Variants in AGBL1 observed in about 807,000 individuals in gnomAD.
The protein encoded by AGBL1 is cytosolic carboxypeptidase 4.
Under a neutral mutation model 118.9 loss-of-function variants are expected in AGBL1, and 130 were observed. That is an observed-to-expected ratio of 1.09 (90% CI 0.95 to 1.26). The LOEUF is 1.26. AGBL1 is among the 50% of genes most tolerant of loss of function. AGBL1 has a pLI of 0.00. For missense variants in AGBL1, 1,584 were observed against 1,298.1 expected (o/e 1.22, Z -3.38); for synonymous variants, 555 against 478.9 (o/e 1.16, Z -2.08).
chr15:86,273,799 T>C (rs151190318), intron 15 of AGBL1, among the ~76,000 whole-genome samples: 98 of 152,322 alleles, frequency 6.4e-4, no homozygotes, highest in African/African-American at 2.2e-3. Flanking sequence ...GTGCTCACTG[T>C]GGGGACAACT....
In AGBL1 at chr15:86,170,800, C is replaced by A. The variant is rs112447166; in HGVS notation, c.488+11774C>A. 3.1e-3 allele frequency among the ~76,000 whole-genome samples: 463 copies of A among 151,064 alleles called. 1 individual carries two copies. The highest frequency in any genetic ancestry group is 0.011 in the African/African-American group (443 of 41,068). On this transcript the variant is annotated intron_variant, in intron 5 of 22. Transcript: ENST00000614907. The stretch of plus-strand genomic sequence containing the variant: ...GATGAATGTTGCAGTGAGCCGAGAT[C>A]ACACCACTGCACTCCAGCCTGGGCG...
At chr15:86,763,524 G>T (rs1170912006) in intron 22 of AGBL1, among the ~76,000 whole-genome samples, 1 of 151,950 alleles carries the variant, frequency 6.6e-6, no homozygotes, top group Admixed American at 6.6e-5. Flanking sequence ...GAATATCTGG[G>T]AGAGCTATAG....
At chr15:86,416,716 T>C (rs12148626) in intron 18 of AGBL1, among the ~76,000 whole-genome samples, 4,776 of 152,294 alleles carry the variant, frequency 0.031, 125 homozygotes, top group African/African-American at 0.069. Flanking sequence ...GAAAAGCAAT[T>C]GTTCTCCTTG....
rs571836376 is a variant in AGBL1, at chr15:86,486,518, T to G, written c.2556-36292T>G. Among the ~76,000 whole-genome samples the G allele has an allele frequency of 3.9e-5, 6 of 152,252 alleles. No homozygotes were observed. In the South Asian group the frequency reaches 1.2e-3, roughly 32 times the overall value. On this transcript the variant is annotated intron_variant, in intron 18 of 22. Coordinates refer to ENST00000614907, the MANE Select transcript of AGBL1 (RefSeq NM_001386094.1). ...GGCTGGACGTTGGGATCTGTCTGATTTGGTTTTAAAACCCAGGCACCTGGG... is the reference window on the plus strand; with the variant it reads ...GGCTGGACGTTGGGATCTGTCTGATGTGGTTTTAAAACCCAGGCACCTGGG...
intron 21 of AGBL1, among the ~76,000 whole-genome samples, chr15:86,562,015 A>G (rs1264301157): frequency 6.6e-5 from 10 of 152,124 alleles, no homozygotes; most frequent in Non-Finnish European, 1.5e-4. Context: ...GTATCCTGAG[A>G]CTTTGCTGAA....
intron 22 of AGBL1, among the ~76,000 whole-genome samples, chr15:86,765,354 G>C (rs2078081536): frequency 6.6e-6 from 1 of 151,950 alleles, no homozygotes; most frequent in South Asian, 2.1e-4. Flanking sequence ...GTTTGTTAAG[G>C]CCCTCACAGT....
At chr15:86,422,034 T>A (rs557679325) in intron 18 of AGBL1, among the ~76,000 whole-genome samples, 1 of 151,664 alleles carries the variant, frequency 6.6e-6, no homozygotes, top group Admixed American at 6.6e-5. Context: ...CAATATTAGA[T>A]CAACGAGACA....
chr15:86,525,673 G>A (rs2083253756), intron 19 of AGBL1, among the ~76,000 whole-genome samples: 1 of 152,128 alleles, frequency 6.6e-6, no homozygotes, highest in Non-Finnish European at 1.5e-5. Context: ...GTAGAAGAAT[G>A]AACCTGGATC....
intron 18 of AGBL1, among the ~76,000 whole-genome samples, chr15:86,427,758 A>G (rs1056455668): frequency 6.6e-6 from 1 of 152,180 alleles, no homozygotes; most frequent in East Asian, 1.9e-4. Flanking sequence ...CAGAGTCACT[A>G]CTTATTTGAC....
chr15:86,670,600 G>GAC (rs9302341), intron 21 of AGBL1, among the ~76,000 whole-genome samples: 49,674 of 132,986 alleles, frequency 0.37, 10,258 homozygotes, highest in Middle Eastern at 0.54. Context: ...GTGAAACTCT[G>GAC]ACACACACAC....
chr15:86,990,042 T>C (rs887284887), intron 24 of AGBL1, among the ~76,000 whole-genome samples: 7 of 152,224 alleles, frequency 4.6e-5, no homozygotes, highest in African/African-American at 1.7e-4. Flanking sequence ...GGCCAGAACT[T>C]TGGAGTTTTA....
chr15:86,256,311 G>A (rs1399793446), intron 7 of AGBL1, among the ~76,000 whole-genome samples: 1 of 152,178 alleles, frequency 6.6e-6, no homozygotes, highest in Non-Finnish European at 1.5e-5. Context: ...TTTGAGAAGA[G>A]GCATGTAATT....
intron 23 of AGBL1, among the ~76,000 whole-genome samples, chr15:86,943,482 C>T (rs1342718942): frequency 6.6e-6 from 1 of 152,220 alleles, no homozygotes; most frequent in Non-Finnish European, 1.5e-5. Flanking sequence ...CAGGGTTTTA[C>T]AGACGACCTT....
intron 5 of AGBL1, among the ~76,000 whole-genome samples, chr15:86,207,054 T>G (rs920866867): frequency 3.9e-5 from 6 of 152,208 alleles, no homozygotes; most frequent in Non-Finnish European, 8.8e-5. Context: ...CCAGCACCAT[T>G]TATTAAATAG....
chr15:86,080,281 C>T (rs182051239), intron 1 of AGBL1: 9 of 336,116 alleles, frequency 2.7e-5, no homozygotes, highest in Admixed American at 1.9e-4. Context: ...GTAAAAGATC[C>T]GAGTTTTCTA....
At chr15:86,440,368 C>T (rs2082047789) in intron 18 of AGBL1, among the ~76,000 whole-genome samples, 1 of 151,892 alleles carries the variant, frequency 6.6e-6, no homozygotes, top group African/African-American at 2.4e-5. Context: ...AAATTGATGT[C>T]TTTGTAAAAG....
intron 17 of AGBL1, among the ~76,000 whole-genome samples, chr15:86,373,294 C>T (rs368088180): frequency 5.3e-5 from 8 of 152,108 alleles, no homozygotes; most frequent in African/African-American, 9.7e-5. Flanking sequence ...TACTTTCCCC[C>T]GGAAGAAGTC....
intron 22 of AGBL1, among the ~76,000 whole-genome samples, chr15:86,741,381 CAAAAAAAAAAAAAAAAAAAAAAAAAAAAA>C (rs570193876): frequency 1.3e-4 from 4 of 30,512 alleles, no homozygotes; most frequent in Non-Finnish European, 2.1e-4. Flanking sequence ...TAAGGCAAAG[CAAAAAAAAAAAAAAAAAAAAAAAAAAAAA>C]AAAAAAAAAA....
chr15:86,637,173 A>G (rs1009285481), intron 21 of AGBL1, among the ~76,000 whole-genome samples: 2 of 152,076 alleles, frequency 1.3e-5, no homozygotes, highest in East Asian at 1.9e-4. Context: ...CACATTACAC[A>G]ACACAGGACA....
Sources: gnomAD v4.1 joint callset for allele counts (sites outside exome capture counted in the v4.1 genomes callset) on GRCh38, gnomAD v4.1.1 for gene constraint, MANE v1.5 for transcripts, NCBI Gene and HGNC (gene_info 2026-07-23, HGNC 2026-07-21) for gene names.